TBC1D22A: variants seen among roughly 807,000 people sequenced by gnomAD.
TBC1D22A encodes TBC1 domain family member 22A, also known as putative GTPase activator.
TBC1D22A carries 38 observed loss-of-function variants against 60.2 expected under a neutral mutation model. That is an observed-to-expected ratio of 0.63 (90% CI 0.49 to 0.83). TBC1D22A has a LOEUF of 0.83. Ranked by LOEUF, TBC1D22A falls within the 40% of genes least tolerant of loss-of-function variation. The pLI is 0.00. For missense variants in TBC1D22A, 628 were observed against 701.0 expected, an observed-to-expected ratio of 0.90 and a Z score of 1.18; for synonymous variants, 302 against 281.7, an observed-to-expected ratio of 1.07 and a Z score of -0.72.
At chr22:47,072,225 C>T (rs6009120) in intron 11 of TBC1D22A, among the ~76,000 whole-genome samples, 41,489 of 151,990 alleles carry the variant, frequency 0.27, 6,230 homozygotes, top group East Asian at 0.57. Context: ...GGGTGCAGGC[C>T]GGTGGAGGAT....
intron 9 of TBC1D22A, among the ~76,000 whole-genome samples, chr22:46,978,114 G>A (rs2074375993): frequency 6.6e-6 from 1 of 152,250 alleles, no homozygotes; most frequent in African/African-American, 2.4e-5. Context: ...AGGCTCTCCT[G>A]CCCTGGCGAG....
chr22:46,931,484 A>G (rs1473624280), intron 8 of TBC1D22A, among the ~76,000 whole-genome samples: 1 of 152,224 alleles, frequency 6.6e-6, no homozygotes, highest in Non-Finnish European at 1.5e-5. Context: ...TAGCCCTCCT[A>G]ATATAAATGC....
chr22:47,101,972 C>T (rs1451836665), intron 11 of TBC1D22A, among the ~76,000 whole-genome samples: 3 of 152,182 alleles, frequency 2.0e-5, no homozygotes, highest in Non-Finnish European at 4.4e-5. Flanking sequence ...GGTATTTCCT[C>T]ATCTAGTCTT....
chr22:46,904,138 T>TACCTAC lies in TBC1D22A; in HGVS notation c.901-7936_901-7935insACCTAC, dbSNP rs2069242058. Among the ~76,000 whole-genome samples, 166 of 55,320 alleles carry TACCTAC rather than the reference T, an allele frequency of 3.0e-3. 1 individual carries two copies. The highest frequency in any genetic ancestry group is 0.01 in the African/African-American group (153 of 15,014). 36.3% of individuals were successfully genotyped at this position (55,320 alleles called of 152,430 possible). ...ATCTATCTATCTATCTATCTATCTA[T>TACCTAC]CTATCTACCTACCTACCTACCTACC... On this transcript the variant is annotated intron_variant, in intron 7 of 12. Coordinates refer to ENST00000337137, the MANE Select transcript of TBC1D22A (RefSeq NM_014346.5).
chr22:47,005,278 A>G (rs1053092464), intron 10 of TBC1D22A, among the ~76,000 whole-genome samples: 1 of 151,256 alleles, frequency 6.6e-6, no homozygotes. Flanking sequence ...ACACATGCCT[A>G]TACACATATA....
In TBC1D22A at chr22:46,888,058, T is replaced by C. The variant is rs1014767949; in HGVS notation, c.709-3208T>C. On this transcript the variant is annotated intron_variant, in intron 5 of 12. Coordinates refer to ENST00000337137, the MANE Select transcript of TBC1D22A (RefSeq NM_014346.5). ...CTTTTCTCAGTGGACCTGTAGCTTG[T>C]GATTCTCCCCTCCCATCAGAGGGTG... Among the ~76,000 whole-genome samples, 6 of 152,216 alleles carry C rather than the reference T, an allele frequency of 3.9e-5. No homozygotes were observed. In the East Asian group the frequency reaches 9.6e-4, roughly 24 times the overall value.
At chr22:46,897,060 C>G (rs2068715177) in intron 7 of TBC1D22A, among the ~76,000 whole-genome samples, 1 of 152,118 alleles carries the variant, frequency 6.6e-6, no homozygotes, top group Admixed American at 6.5e-5. Context: ...TTTTGAATTT[C>G]CCCTATGAAG....
chr22:47,107,790 A>G (rs150500181), intron 11 of TBC1D22A, among the ~76,000 whole-genome samples: 8 of 152,372 alleles, frequency 5.3e-5, no homozygotes, highest in Admixed American at 1.3e-4. Flanking sequence ...CACTAGCTGA[A>G]GTTTAGTCTT....
Position 46,990,114 on chromosome 22 carries a change from A to T in TBC1D22A, c.1126-7520A>T, listed in dbSNP as rs136133. On this transcript the variant is annotated intron_variant, in intron 9 of 12. Coordinates refer to ENST00000337137, the MANE Select transcript of TBC1D22A (RefSeq NM_014346.5). This position sits in a 1 kb window ranked among gnomAD's most constrained non-coding sequence, Gnocchi z 4.6. ...CCACCGCGCCCGGCCGCAAAATGTAAGTTTTATTTAAAATGAACTCTTATA... is the reference window on the plus strand; with the variant it reads ...CCACCGCGCCCGGCCGCAAAATGTATGTTTTATTTAAAATGAACTCTTATA... Among the ~76,000 whole-genome samples, 65,521 of 152,140 alleles carry T rather than the reference A, an allele frequency of 0.43. 16,386 individuals are homozygous for T. Among genetic ancestry groups the T allele is most frequent in the African/African-American group, 0.7 (29,191 of 41,522 alleles).
At chr22:47,046,081 C>T (rs1333908221) in intron 11 of TBC1D22A, among the ~76,000 whole-genome samples, 1 of 152,170 alleles carries the variant, frequency 6.6e-6, no homozygotes, top group Non-Finnish European at 1.5e-5. Context: ...TATGGACTCG[C>T]TGATGCTCCC....
At chr22:47,056,645 T>A (rs1485692358) in intron 11 of TBC1D22A, among the ~76,000 whole-genome samples, 1 of 151,742 alleles carries the variant, frequency 6.6e-6, no homozygotes. Context: ...GCTGGCTGGG[T>A]CTTAAGGACA....
chr22:47,003,608 A>G (rs2061471217), intron 10 of TBC1D22A, among the ~76,000 whole-genome samples: 1 of 146,270 alleles, frequency 6.8e-6, no homozygotes, highest in South Asian at 2.2e-4. Context: ...ACATGCCTCT[A>G]TACACACACC....
chr22:46,895,114 T>A (rs984707969), intron 7 of TBC1D22A, among the ~76,000 whole-genome samples: 1 of 152,140 alleles, frequency 6.6e-6, no homozygotes, highest in African/African-American at 2.4e-5. Context: ...CACCACCAGA[T>A]TGAGGAAACA....
intron 10 of TBC1D22A, among the ~76,000 whole-genome samples, 153 bp downstream of exon 10, chr22:46,997,862 G>C (rs1312413564): frequency 6.6e-6 from 1 of 152,212 alleles, no homozygotes; most frequent in African/African-American, 2.4e-5. Flanking sequence ...GCTGGTGCGT[G>C]AGCTGCTCTT....
intron 8 of TBC1D22A, among the ~76,000 whole-genome samples, chr22:46,966,900 T>C (rs957436117): frequency 2.0e-5 from 3 of 152,230 alleles, no homozygotes; most frequent in Non-Finnish European, 4.4e-5. Flanking sequence ...GAAACAGCTA[T>C]GCTGTTGGTG....
chr22:46,891,099 CCTCCT>C (rs993984554), intron 5 of TBC1D22A, among the ~76,000 whole-genome samples, 162 bp from the exon 6 acceptor site: 7 of 114,862 alleles, frequency 6.1e-5, no homozygotes, highest in African/African-American at 4.2e-4. Context: ...AGCTGGCTGA[CCTCCT>C]CTGTGTGTGT....
At chr22:46,826,592 A>T (rs566368609) in intron 4 of TBC1D22A, among the ~76,000 whole-genome samples, 10 of 152,002 alleles carry the variant, frequency 6.6e-5, no homozygotes, top group African/African-American at 2.4e-4. Context: ...GGTGTCCTGG[A>T]AGGTGGATGG....
intron 1 of TBC1D22A, among the ~76,000 whole-genome samples, chr22:46,783,390 TA>T (rs1347090275): frequency 6.6e-6 from 1 of 152,166 alleles, no homozygotes; most frequent in Non-Finnish European, 1.5e-5. Context: ...GAGCGATCTT[TA>T]AAAAACTAGA....
intron 8 of TBC1D22A, among the ~76,000 whole-genome samples, chr22:46,956,716 C>T (rs1243983718): frequency 6.6e-6 from 1 of 152,118 alleles, no homozygotes; most frequent in African/African-American, 2.4e-5. Context: ...TTCCCCTCAG[C>T]GTGGCAGTGG....
Sources: gnomAD v4.1 joint callset for allele counts (sites outside exome capture counted in the v4.1 genomes callset) on GRCh38, gnomAD v4.1.1 for gene constraint, Gnocchi (gnomAD v3.1) non-coding constraint, MANE v1.5 for transcripts, NCBI Gene and HGNC (gene_info 2026-07-23, HGNC 2026-07-21) for gene names.